EPSTI1: variants seen among roughly 807,000 people sequenced by gnomAD.
EPSTI1 encodes the protein epithelial-stromal interaction protein 1.
EPSTI1 carries 66 observed loss-of-function variants against 49.9 expected under a neutral mutation model. That is an observed-to-expected ratio of 1.32 (90% CI 1.08 to 1.62). EPSTI1 has a LOEUF of 1.62. EPSTI1 is among the 40% of genes most tolerant of loss of function. EPSTI1 has a pLI of 0.00. For missense variants in EPSTI1, 394 were observed against 365.5 expected, an observed-to-expected ratio of 1.08 and a Z score of -0.64; for synonymous variants, 137 against 130.7, an observed-to-expected ratio of 1.05 and a Z score of -0.33.
intron 6 of EPSTI1, among the ~76,000 whole-genome samples, chr13:42,948,462 GT>G (rs35811528): frequency 0.035 from 4,829 of 139,606 alleles, 155 homozygotes; most frequent in East Asian, 0.11. Flanking sequence ...TGTTTTTTGT[GT>G]TTTTTTTTTT....
chr13:42,921,851 G>A (rs1813076549), intron 7 of EPSTI1, among the ~76,000 whole-genome samples: 1 of 142,278 alleles, frequency 7.0e-6, no homozygotes, highest in Admixed American at 7.0e-5. Context: ...AGGAAAGAGG[G>A]ATCCAGGAGG....
chr13:42,969,163 G>T lies in EPSTI1; in HGVS notation c.262C>A (p.Leu88Met), dbSNP rs367798470. The T allele has an allele frequency of 5.6e-6, 9 of 1,613,912 alleles. No individual in the cohort carries two copies. Among genetic ancestry groups the T allele is most frequent in the Non-Finnish European group, 7.6e-6 (9 of 1,180,002 alleles). ...TCCTTCCACTTCTCCAGGTTGGCCA[G>T]CTCCTGCTCCGCAACTAAGCCAGGC... The part of the protein sequence containing the change: ...NEIQRIAEQE[L>M]ANLEKWKEQN... Residue 88 changes from leucine to methionine, a missense_variant, in exon 3 of 11, where the codon CTG (leucine) becomes ATG (methionine). Physicochemically the swap from Leu to Met is conservative, Grantham distance 15. Coordinates refer to ENST00000313624, the MANE Select transcript of EPSTI1 (RefSeq NM_033255.5).
chr13:42,912,037 T>C lies in EPSTI1; in HGVS notation c.741+5504A>G, dbSNP rs184755588. Among the ~76,000 whole-genome samples the C allele has an allele frequency of 1.6e-3, 247 of 152,360 alleles. 2 individuals carry two copies. The highest frequency in any genetic ancestry group is 5.8e-3 in the African/African-American group (242 of 41,584). ...ATAGTTTATTTTCTGACTTTCAGTA[T>C]TTTACTGATTCTTGTATATATTTTG... On this transcript the variant is annotated intron_variant, in intron 8 of 10. Coordinates refer to ENST00000313624, the MANE Select transcript of EPSTI1 (RefSeq NM_033255.5).
At position 42,917,526 on chromosome 13, in the gene EPSTI1, G is replaced by A. The variant is rs760498726; in HGVS notation, c.741+15C>T. 1 of 1,606,910 alleles carries A rather than the reference G, an allele frequency of 6.2e-7. No individual in the cohort carries two copies. Among genetic ancestry groups the A allele is most frequent in the Admixed American group, 1.7e-5 (1 of 59,466 alleles). On this transcript the variant is annotated intron_variant, in intron 8 of 10. Transcript: ENST00000313624. ...AATAAACAGTTAGCAATAACTAGTA[G>A]GGGCTTGTAAGTACCTTTTGATGTT...
chr13:42,949,125 G>C (rs548743529), intron 6 of EPSTI1, among the ~76,000 whole-genome samples: 45 of 152,234 alleles, frequency 3.0e-4, no homozygotes, highest in Non-Finnish European at 5.9e-5. Flanking sequence ...GACCCTGAAG[G>C]AAATAAAAAT....
At chr13:42,937,833 G>C (rs1054194743) in intron 6 of EPSTI1, among the ~76,000 whole-genome samples, 1 of 152,070 alleles carries the variant, frequency 6.6e-6, no homozygotes, top group African/African-American at 2.4e-5. Context: ...TGAATCACAA[G>C]TGTTCTTGAT....
chr13:42,907,309 A>G (rs2037524941), intron 8 of EPSTI1, among the ~76,000 whole-genome samples: 1 of 152,152 alleles, frequency 6.6e-6, no homozygotes, highest in Non-Finnish European at 1.5e-5. Flanking sequence ...GCATATTTCT[A>G]TTATGTTATT....
At chr13:42,894,288 C>T (rs560923717) in intron 10 of EPSTI1, among the ~76,000 whole-genome samples, 2 of 152,264 alleles carry the variant, frequency 1.3e-5, no homozygotes, top group South Asian at 4.1e-4. Flanking sequence ...AGATTTCTAT[C>T]TGATGTGTGT....
In EPSTI1 at chr13:42,922,131, A is replaced by T. The variant is rs1276751614; in HGVS notation, c.657+4205T>A. On this transcript the variant is annotated intron_variant, in intron 7 of 10. Coordinates refer to ENST00000313624, the MANE Select transcript of EPSTI1 (RefSeq NM_033255.5). The surrounding 1 kb of genome is among the most constrained non-coding windows in gnomAD (Gnocchi z 4.8). ...AAATTACTGAATAATTATAAGAATG[A>T]GAGGAAGAAATGAGTTAATAAGGTC... Among the ~76,000 whole-genome samples, 4 of 152,230 alleles carry T rather than the reference A, an allele frequency of 2.6e-5. No individual in the cohort carries two copies. In the South Asian group the frequency reaches 6.2e-4, roughly 24 times the overall value.
At chr13:42,908,463 G>A (rs2037561637) in intron 8 of EPSTI1, among the ~76,000 whole-genome samples, 1 of 148,020 alleles carries the variant, frequency 6.8e-6, no homozygotes, top group East Asian at 2.0e-4. Flanking sequence ...TCCAGCCTGG[G>A]TGACAGAGAG....
At chr13:42,983,290 G>A (rs897441810) in intron 1 of EPSTI1, among the ~76,000 whole-genome samples, 3 of 152,098 alleles carry the variant, frequency 2.0e-5, no homozygotes, top group Non-Finnish European at 2.9e-5. Context: ...ATAGGGCTGG[G>A]CGCAGTGGCT....
intron 7 of EPSTI1, chr13:42,919,472 A>G (rs535063995): frequency 1.4e-4 from 110 of 761,490 alleles, no homozygotes; most frequent in Non-Finnish European, 2.1e-4. Context: ...GCTATATTTT[A>G]TCATTCAACC....
At chr13:42,946,279 T>C (rs2038914893) in intron 6 of EPSTI1, among the ~76,000 whole-genome samples, 1 of 152,110 alleles carries the variant, frequency 6.6e-6, no homozygotes, top group Admixed American at 6.5e-5. Context: ...ATGGCAAAAA[T>C]GAAGAAAACT....
rs145204967 is a variant in EPSTI1 at position 42,888,168 on chromosome 13, C to A, written c.*326G>T. 1.3e-3 allele frequency: 2,022 copies of A among 1,500,700 alleles called. 23 individuals carry two copies. The highest frequency in any genetic ancestry group is 4.3e-3 in the East Asian group (191 of 44,108). 93.0% of individuals were successfully genotyped at this position (1,500,700 alleles called of 1,614,324 possible). On this transcript the variant is annotated 3_prime_UTR_variant, in exon 11 of 11. Coordinates refer to ENST00000313624, the MANE Select transcript of EPSTI1 (RefSeq NM_033255.5). ...CACTTAGAAAGACAAGCCTGTAGCA[C>A]CCATAGCTCTGATTAACCTGAAAGC...
chr13:42,948,425 GTTT>G (rs1237479085), intron 6 of EPSTI1, among the ~76,000 whole-genome samples: 1 of 128,078 alleles, frequency 7.8e-6, no homozygotes. Flanking sequence ...GTGGCTTGTT[GTTT>G]TTTTTTTTTT....
intron 1 of EPSTI1, among the ~76,000 whole-genome samples, chr13:42,987,283 A>G (rs533359156): frequency 1.3e-5 from 2 of 152,082 alleles, no homozygotes; most frequent in East Asian, 3.9e-4. Flanking sequence ...TAGTGTTAGA[A>G]TTGAACTGTG....
intron 8 of EPSTI1, 45 bp from the exon 9 acceptor site, chr13:42,900,428 G>T: frequency 6.5e-7 from 1 of 1,549,182 alleles, no homozygotes; most frequent in Non-Finnish European, 8.9e-7. Flanking sequence ...AATTAACACA[G>T]TTGTACAGAA....
chr13:42,983,493 G>A (rs2153436026), intron 1 of EPSTI1, among the ~76,000 whole-genome samples: 1 of 148,204 alleles, frequency 6.7e-6, no homozygotes, highest in African/African-American at 2.5e-5. Flanking sequence ...GAAGCCAGGA[G>A]GCGGAGTTTG....
intron 7 of EPSTI1, among the ~76,000 whole-genome samples, chr13:42,923,702 A>G (rs193154799): frequency 1.8e-3 from 280 of 152,346 alleles, no homozygotes; most frequent in Admixed American, 5.2e-3. Context: ...AATACAGAGA[A>G]CTATATTAAT....
Sources: allele counts gnomAD v4.1 joint callset (sites outside exome capture counted in the v4.1 genomes callset), GRCh38; gene constraint gnomAD v4.1.1; non-coding constraint Gnocchi (gnomAD v3.1); transcripts MANE v1.5; gene names NCBI Gene and HGNC (gene_info 2026-07-23, HGNC 2026-07-21).